GRM7: variants seen among roughly 807,000 people sequenced by gnomAD.
GRM7 encodes the protein glutamate metabotropic receptor 7.
GRM7 carries 35 observed loss-of-function variants against 84.5 expected under a neutral mutation model. That is an observed-to-expected ratio of 0.41 (90% confidence interval 0.32 to 0.55). The LOEUF (loss-of-function observed/expected upper bound fraction) is 0.55. Ranked by LOEUF, GRM7 falls within the 20% of genes least tolerant of loss-of-function variation. The pLI is 0.19. For missense variants in GRM7, 1,003 were observed against 1,194.6 expected (o/e 0.84, Z 2.36); for synonymous variants, 487 against 455.1 (o/e 1.07, Z -0.89).
In GRM7 at chr3:7,306,524, C is replaced by A. The variant is rs765402575; in HGVS notation, c.905C>A (p.Ala302Asp). 6.2e-7 allele frequency: 1 copy of A among 1,613,854 alleles called. No individual in the cohort carries two copies. Among genetic ancestry groups the A allele is most frequent in the South Asian group, 1.1e-5 (1 of 91,084 alleles). The change falls in exon 4 of 10, where the codon GCT becomes GAT. Residue 302 changes from alanine to aspartate, a missense_variant. Physicochemically the swap from Ala to Asp is moderately radical, Grantham distance 126. Transcript: ENST00000357716. ...IKQILAAAKR[A>D]DQVGHFLWVG... is the part of the protein sequence containing the mutation. ...CAGATCCTTGCAGCAGCCAAAAGAG[C>A]TGACCAAGTTGGCCATTTTCTTTGG...
chr3:7,730,814 A>G (rs1702302483), intron 9 of GRM7, among the ~76,000 whole-genome samples: 1 of 152,236 alleles, frequency 6.6e-6, no homozygotes, highest in Admixed American at 6.5e-5. Context: ...TGCATCTATA[A>G]TATATTGAAA....
intron 7 of GRM7, among the ~76,000 whole-genome samples, chr3:7,491,019 G>T (rs916071162): frequency 6.6e-6 from 1 of 151,782 alleles, no homozygotes; most frequent in East Asian, 1.9e-4. Flanking sequence ...CAAGAAAATT[G>T]TTTTACCTGA....
At chr3:6,881,488 G>A (rs755386030) in intron 1 of GRM7, among the ~76,000 whole-genome samples, 18 of 151,972 alleles carry the variant, frequency 1.2e-4, no homozygotes, top group Non-Finnish European at 2.5e-4. Context: ...TTTTATGGCT[G>A]CATAATATTC....
At chr3:7,341,937 T>C (rs185952914) in intron 4 of GRM7, among the ~76,000 whole-genome samples, 39 of 152,260 alleles carry the variant, frequency 2.6e-4, no homozygotes, top group African/African-American at 9.1e-4. Context: ...GACAAGGCTA[T>C]ACCCATAGAA....
chr3:7,086,340 A>T (rs749355315), intron 1 of GRM7, among the ~76,000 whole-genome samples: 3 of 150,184 alleles, frequency 2.0e-5, no homozygotes, highest in Non-Finnish European at 4.4e-5. Flanking sequence ...ATCTTAAAAT[A>T]AAAAAGATCC....
At chr3:7,730,515 C>T (rs1431699611) in intron 9 of GRM7, among the ~76,000 whole-genome samples, 1 of 152,168 alleles carries the variant, frequency 6.6e-6, no homozygotes, top group East Asian at 1.9e-4. Flanking sequence ...TTTTTCCTTG[C>T]TTCTGTGCCA....
At chr3:6,947,201 G>A (rs1416949564) in intron 1 of GRM7, among the ~76,000 whole-genome samples, 2 of 152,156 alleles carry the variant, frequency 1.3e-5, no homozygotes, top group East Asian at 3.9e-4. Flanking sequence ...GTCGTAGATA[G>A]CTCTTATTAT....
chr3:7,103,865 T>A (rs965999165), intron 1 of GRM7, among the ~76,000 whole-genome samples: 1 of 150,112 alleles, frequency 6.7e-6, no homozygotes, highest in Non-Finnish European at 1.5e-5. Flanking sequence ...TCTTTCTTTC[T>A]TTCTTTCCCA....
At chr3:7,063,779 A>G (rs1465353942) in intron 1 of GRM7, among the ~76,000 whole-genome samples, 2 of 151,750 alleles carry the variant, frequency 1.3e-5, no homozygotes, top group Non-Finnish European at 2.9e-5. Context: ...AAAGTAACAC[A>G]AGAAAAAATA....
chr3:7,041,817 G>GA lies in GRM7; in HGVS notation c.520-104628dup, dbSNP rs557188300. 9.8e-4 allele frequency among the ~76,000 whole-genome samples: 149 copies of GA among 152,150 alleles called. 1 individual carries two copies. Among genetic ancestry groups the GA allele is most frequent in the African/African-American group, 3.3e-3 (137 of 41,498 alleles). On this transcript the variant is annotated intron_variant, in intron 1 of 9. Transcript: ENST00000357716. ...ATTGAGGTGGGGGCTGATCACCATG[G>GA]AAAAAAACAAGACAGGTGGAATTTT...
In GRM7 at chr3:7,741,136, T is replaced by A. The variant is rs755914705; in HGVS notation, c.*730T>A. The A allele has an allele frequency of 6.6e-6, 1 of 152,566 alleles. No individual in the cohort carries two copies. The highest frequency in any genetic ancestry group is 6.5e-5 in the Admixed American group (1 of 15,276). 9.5% of individuals were successfully genotyped at this position (152,566 alleles called of 1,614,324 possible). ...TGGCTGAACTGAATAGAGGTCTTGA[T>A]CTTTGGAATGCATGCCAGTAATGTA... On this transcript the variant is annotated 3_prime_UTR_variant, in exon 10 of 10. Coordinates refer to ENST00000357716, the MANE Select transcript of GRM7 (RefSeq NM_000844.4).
At chr3:7,116,732 T>C (rs1045123454) in intron 1 of GRM7, among the ~76,000 whole-genome samples, 1 of 152,194 alleles carries the variant, frequency 6.6e-6, no homozygotes, top group Admixed American at 6.6e-5. Context: ...GATGTTGCTC[T>C]ATTTTATTTC....
intron 1 of GRM7, among the ~76,000 whole-genome samples, chr3:7,016,087 T>C (rs912926269): frequency 1.4e-5 from 2 of 146,850 alleles, no homozygotes; most frequent in Admixed American, 1.4e-4. Flanking sequence ...GGAATGCTAC[T>C]GTAGAGGAAT....
At position 7,450,928 on chromosome 3, in the gene GRM7, A is replaced by G. The variant is rs552557753; in HGVS notation, c.1175-1679A>G. 8.2e-5 allele frequency among the ~76,000 whole-genome samples: 11 copies of G among 134,458 alleles called. 1 individual carries two copies. The East Asian group carries it at 2.5e-3, about 30-fold the overall frequency. 88.2% of individuals were successfully genotyped at this position (134,458 alleles called of 152,430 possible). A position where few individuals can be genotyped will look rare whatever the true frequency, so the allele number is the denominator to read the frequency against. ...CCTCTTGGAGGTTACATTTTATGTT[A>G]TATGTTAAATGTTCTGGAAAAGTCA... On this transcript the variant is annotated intron_variant, in intron 5 of 9. Transcript: ENST00000357716.
At chr3:7,142,414 C>T (rs998542520) in intron 1 of GRM7, among the ~76,000 whole-genome samples, 4 of 151,760 alleles carry the variant, frequency 2.6e-5, no homozygotes, top group South Asian at 2.1e-4. Flanking sequence ...TGGTGGAAGG[C>T]GAAGGGGAAG....
At chr3:7,000,890 A>T (rs942751356) in intron 1 of GRM7, among the ~76,000 whole-genome samples, 2 of 152,206 alleles carry the variant, frequency 1.3e-5, no homozygotes, top group African/African-American at 2.4e-5. Flanking sequence ...TGGGACAGAG[A>T]TGTGAATGAA....
At chr3:6,989,755 G>A (rs756728333) in intron 1 of GRM7, among the ~76,000 whole-genome samples, 2 of 152,244 alleles carry the variant, frequency 1.3e-5, no homozygotes, top group Admixed American at 6.5e-5. Flanking sequence ...GAGGGACGTA[G>A]TGTCTTCACT....
chr3:7,071,112 G>T (rs944416162), intron 1 of GRM7, among the ~76,000 whole-genome samples: 2 of 151,996 alleles, frequency 1.3e-5, no homozygotes, highest in Admixed American at 6.6e-5. Context: ...CCTTTAGTAG[G>T]TTCCACTAGA....
intron 7 of GRM7, among the ~76,000 whole-genome samples, chr3:7,514,827 G>A (rs1399152386): frequency 3.3e-5 from 5 of 152,280 alleles, no homozygotes; most frequent in Admixed American, 2.0e-4. Context: ...TCCATAAAGC[G>A]CAGGTGCAGG....
Sources: gnomAD v4.1 joint callset for allele counts (sites outside exome capture counted in the v4.1 genomes callset) on GRCh38, gnomAD v4.1.1 for gene constraint, MANE v1.5 for transcripts, NCBI Gene and HGNC (gene_info 2026-07-23, HGNC 2026-07-21) for gene names.